The following RPS6KA5 variants were observed in gnomAD, a reference collection of about 807,000 sequenced individuals.
RPS6KA5 encodes ribosomal protein S6 kinase alpha-5.
A neutral mutation model predicts 85.5 loss-of-function variants in RPS6KA5; 27 were observed. The observed-to-expected ratio is 0.32, with a 90% CI of 0.23 to 0.44. The LOEUF is 0.44. Ranked by LOEUF, RPS6KA5 falls within the 20% of genes least tolerant of loss-of-function variation. The pLI is 1.00. For missense variants in RPS6KA5, 811 were observed against 980.9 expected, an observed-to-expected ratio of 0.83 and a Z score of 2.31; for synonymous variants, 334 against 348.2, an observed-to-expected ratio of 0.96 and a Z score of 0.46.
intron 5 of RPS6KA5, among the ~76,000 whole-genome samples, chr14:90,923,762 A>C (rs1595226898): frequency 6.6e-6 from 1 of 152,260 alleles, no homozygotes; most frequent in East Asian, 1.9e-4. Flanking sequence ...CGCTAATGTT[A>C]TGTTTAACGA....
At chr14:91,059,340 G>GAA (rs542313515) in intron 1 of RPS6KA5, among the ~76,000 whole-genome samples, 3,430 of 127,532 alleles carry the variant, frequency 0.027, 53 homozygotes, top group Middle Eastern at 0.057. Flanking sequence ...AACTCTGTCT[G>GAA]AAAAAAAAAA....
At chr14:91,018,419 G>T (rs959107141) in intron 1 of RPS6KA5, among the ~76,000 whole-genome samples, 6 of 152,194 alleles carry the variant, frequency 3.9e-5, no homozygotes, top group Non-Finnish European at 7.4e-5. Flanking sequence ...TGCCAGAGGA[G>T]ACTGATATTT....
Position 91,060,604 on chromosome 14 carries a change from T to G in RPS6KA5, c.-170A>C. On this transcript the variant is annotated 5_prime_UTR_variant, in exon 1 of 17. Transcript: ENST00000614987. ...CCGCTCTGGCCGCACGGCTCGCTCC[T>G]CGCCTCCTCCCCCTTCGGCGGGCAC... The G allele has an allele frequency of 1.1e-6, 1 of 914,528 alleles. No individual in the cohort carries two copies. The highest frequency in any genetic ancestry group is 1.4e-6 in the Non-Finnish European group (1 of 697,082). 56.7% of individuals were successfully genotyped at this position (914,528 alleles called of 1,614,324 possible). A position where few individuals can be genotyped will look rare whatever the true frequency, so the allele number is the denominator to read the frequency against.
chr14:90,997,283 A>G (rs1239348938), intron 2 of RPS6KA5, among the ~76,000 whole-genome samples: 1 of 152,246 alleles, frequency 6.6e-6, no homozygotes, highest in Non-Finnish European at 1.5e-5. Flanking sequence ...AAAATATTTA[A>G]AAGTGTGCAT....
intron 1 of RPS6KA5, among the ~76,000 whole-genome samples, chr14:91,050,397 A>G (rs1393845832): frequency 1.3e-5 from 2 of 152,004 alleles, no homozygotes; most frequent in Non-Finnish European, 2.9e-5. Flanking sequence ...CAAAAACAAA[A>G]ACAAAAACAA....
Position 90,934,896 on chromosome 14 carries a change from G to A in RPS6KA5, c.618+8182C>T, listed in dbSNP as rs143267197. The stretch of plus-strand genomic sequence containing the variant: ...GTGTAATAGTGTTTTAAGAAAGGAA[G>A]AACTGGGGCAACAGGGTAACACTTT... On this transcript the variant is annotated intron_variant, in intron 5 of 16. Coordinates refer to ENST00000614987, the MANE Select transcript of RPS6KA5 (RefSeq NM_004755.4). Among the ~76,000 whole-genome samples the A allele has an allele frequency of 8.9e-3, 1,349 of 152,266 alleles. 13 individuals carry two copies. Among genetic ancestry groups the A allele is most frequent in the Middle Eastern group, 0.014 (4 of 294 alleles).
In RPS6KA5 at chr14:90,902,908, C is replaced by T. The variant is rs909143652; in HGVS notation, c.1019G>A (p.Arg340Gln). ...AAAGTTACTCACATCTAATTCATCT[C>T]GAATGACTGGCTTAAATGGTGCAGG... ...KVPAPFKPVI[R>Q]DELDVSNFAE... The change falls in exon 9 of 17, where the codon CGA becomes CAA. Residue 340 changes from arginine to glutamine, a missense_variant. Arg to Gln is a conservative substitution (Grantham distance 43). Around this residue, in one of 3 missense-constraint regions of RPS6KA5, gnomAD observed 650 missense variants for 793.4 expected, o/e 0.82. Coordinates refer to ENST00000614987, the MANE Select transcript of RPS6KA5 (RefSeq NM_004755.4). 1.3e-5 allele frequency: 21 copies of T among 1,613,832 alleles called. No individual in the cohort carries two copies. The highest frequency in any genetic ancestry group is 8.3e-5 in the Admixed American group (5 of 59,978).
At chr14:90,975,080 T>G (rs1459994880) in intron 3 of RPS6KA5, among the ~76,000 whole-genome samples, 2 of 152,198 alleles carry the variant, frequency 1.3e-5, no homozygotes, top group Non-Finnish European at 2.9e-5. Context: ...ATAAGGTTCA[T>G]GCTGGGTAGT....
At chr14:91,043,897 T>A (rs2042695559) in intron 1 of RPS6KA5, among the ~76,000 whole-genome samples, 1 of 152,150 alleles carries the variant, frequency 6.6e-6, no homozygotes, top group Admixed American at 6.5e-5. Flanking sequence ...GCAGATGTAA[T>A]TATGGTCCTA....
chr14:90,926,664 A>AGTGTGTGTGTGTGTGT (rs59637202), intron 5 of RPS6KA5, among the ~76,000 whole-genome samples: 3 of 143,224 alleles, frequency 2.1e-5, no homozygotes, highest in African/African-American at 5.1e-5. Flanking sequence ...TATATATTTA[A>AGTGTGTGTGTGTGTGT]GTGTGTGTGT....
chr14:91,050,206 T>G (rs35639067), intron 1 of RPS6KA5, among the ~76,000 whole-genome samples: 1 of 151,800 alleles, frequency 6.6e-6, no homozygotes, highest in Admixed American at 6.6e-5. Context: ...AGCAAGACCC[T>G]ATCTCTACAA....
chr14:90,900,627 C>T lies in RPS6KA5; in HGVS notation c.1229G>A (p.Arg410Lys), dbSNP rs747613814. The part of the protein sequence containing the change: ...VERPGVTNVA[R>K]SAMMKDSPFY... ...TCTATATACCTTCATCATTGCACTC[C>T]TGGCAACATTTGTCACTCCAGGACG... The change falls in exon 10 of 17, where the codon AGG becomes AAG. Residue 410 changes from arginine (R) to lysine (K), a missense_variant. Arg to Lys is a conservative substitution (Grantham distance 26, BLOSUM62 2). Around this residue, in one of 3 missense-constraint regions of RPS6KA5, gnomAD observed 650 missense variants for 793.4 expected, o/e 0.82. Transcript: ENST00000614987. 1 of 1,613,764 alleles carries T rather than the reference C, an allele frequency of 6.2e-7. No homozygotes were observed. The highest frequency in any genetic ancestry group is 1.1e-5 in the South Asian group (1 of 91,038).
At chr14:90,925,097 C>T (rs1336099412) in intron 5 of RPS6KA5, among the ~76,000 whole-genome samples, 2 of 152,090 alleles carry the variant, frequency 1.3e-5, no homozygotes, top group Non-Finnish European at 2.9e-5. Flanking sequence ...AAAGACCGGG[C>T]TCACAAGAAA....
intron 14 of RPS6KA5, among the ~76,000 whole-genome samples, chr14:90,888,963 C>T (rs118137302): frequency 0.023 from 3,434 of 152,244 alleles, 29 homozygotes; most frequent in South Asian, 0.039. Flanking sequence ...TAAGAAAAAT[C>T]TCCCCATAGG....
At chr14:90,946,088 G>GTCTT (rs1163854328) in intron 4 of RPS6KA5, among the ~76,000 whole-genome samples, 1 of 152,010 alleles carries the variant, frequency 6.6e-6, no homozygotes, top group Non-Finnish European at 1.5e-5. Context: ...AATTTCAAAG[G>GTCTT]TCTTTCTTTG....
At chr14:90,939,160 C>T (rs1198299775) in intron 5 of RPS6KA5, among the ~76,000 whole-genome samples, 1 of 152,224 alleles carries the variant, frequency 6.6e-6, no homozygotes, top group Non-Finnish European at 1.5e-5. Context: ...ATCTCTAGGG[C>T]AGGGGCAAAA....
chr14:91,035,853 A>C (rs1369042844), intron 1 of RPS6KA5, among the ~76,000 whole-genome samples: 1 of 11,474 alleles, frequency 8.7e-5, no homozygotes, highest in Non-Finnish European at 1.8e-4. Flanking sequence ...CCTTCAAAAA[A>C]AAAAAAAAAA....
chr14:90,947,985 C>T (rs1223347297), intron 3 of RPS6KA5, among the ~76,000 whole-genome samples: 2 of 152,180 alleles, frequency 1.3e-5, no homozygotes, highest in African/African-American at 4.8e-5. Flanking sequence ...TAAACAGATA[C>T]CCTATTTTCC....
chr14:90,853,586 GA>G lies in RPS6KA5; in HGVS notation c.*18487del, dbSNP rs1476801962. The G allele has an allele frequency of 6.6e-6, 1 of 151,272 alleles. No individual in the cohort carries two copies. Among genetic ancestry groups the G allele is most frequent in the Non-Finnish European group, 1.5e-5 (1 of 67,886 alleles). The allele number at this position is 151,272 out of a possible 1,614,324, so 9.4% of individuals were successfully genotyped here. A position where few individuals can be genotyped will look rare whatever the true frequency, so the allele number is the denominator to read the frequency against. On this transcript the variant is annotated 3_prime_UTR_variant, in exon 17 of 17. Coordinates refer to ENST00000614987, the MANE Select transcript of RPS6KA5 (RefSeq NM_004755.4). ...CACGCCTGTAATCCCAGCACTTTGG[GA>G]GGCCGAGGCAGGCAGATCATCAGGG...
Sources: gnomAD v4.1 joint callset for allele counts (sites outside exome capture counted in the v4.1 genomes callset) on GRCh38, gnomAD v4.1.1 for gene constraint, gnomAD v4.1.1 regional missense constraint, MANE v1.5 for transcripts, NCBI Gene and HGNC (gene_info 2026-07-23, HGNC 2026-07-21) for gene names.